Variants in IGF1 observed in about 807,000 individuals in gnomAD.
IGF1 encodes the protein insulin like growth factor 1.
A neutral mutation model predicts 13.8 loss-of-function variants in IGF1; 4 were observed. The observed-to-expected ratio is 0.29, with a 90% CI of 0.14 to 0.66. IGF1 has a LOEUF of 0.66. IGF1 is among the 30% of genes least tolerant of loss of function. The pLI is 0.78. For missense variants in IGF1, 124 were observed against 188.5 expected (o/e 0.66, Z 2.00); for synonymous variants, 76 against 72.6 (o/e 1.05, Z -0.23).
At chr12:102,470,891 G>A (rs1342229148) in intron 2 of IGF1, among the ~76,000 whole-genome samples, 1 of 152,176 alleles carries the variant, frequency 6.6e-6, no homozygotes, top group Non-Finnish European at 1.5e-5. Context: ...TTAATAAAGG[G>A]CATCTAAAAA....
chr12:102,471,797 A>C (rs753032912), intron 2 of IGF1, among the ~76,000 whole-genome samples: 1 of 152,172 alleles, frequency 6.6e-6, no homozygotes, highest in Non-Finnish European at 1.5e-5. Flanking sequence ...TCTTTCTTTC[A>C]GTTGCTCTTA....
At chr12:102,454,651 T>C (rs1236262389) in intron 2 of IGF1, among the ~76,000 whole-genome samples, 7 of 152,226 alleles carry the variant, frequency 4.6e-5, no homozygotes. Flanking sequence ...CCTTATTTCC[T>C]CAATTTTGAA....
At chr12:102,424,115 C>T (rs915655497) in intron 2 of IGF1, among the ~76,000 whole-genome samples, 39 of 152,138 alleles carry the variant, frequency 2.6e-4, no homozygotes, top group Admixed American at 1.9e-3. Context: ...AATAAAAAAA[C>T]GCAAACGTTT....
intron 2 of IGF1, among the ~76,000 whole-genome samples, chr12:102,458,730 C>CGAAAAAAAAA (rs1879639140): frequency 1.4e-5 from 1 of 73,428 alleles, no homozygotes; most frequent in East Asian, 5.1e-4. Flanking sequence ...GAACACTGAC[C>CGAAAAAAAAA]AAAAAAAAAA....
intron 3 of IGF1, among the ~76,000 whole-genome samples, chr12:102,414,061 C>T (rs1234538408): frequency 2.0e-5 from 3 of 152,156 alleles, no homozygotes; most frequent in Non-Finnish European, 4.4e-5. Flanking sequence ...CACATAGCTC[C>T]AATTTTCAGA....
chr12:102,423,684 T>C (rs966026846), intron 2 of IGF1, among the ~76,000 whole-genome samples: 3 of 152,298 alleles, frequency 2.0e-5, no homozygotes, highest in East Asian at 3.9e-4. Flanking sequence ...TAATGCATGG[T>C]CGGGGAGTAA....
In IGF1 at chr12:102,475,079, T is replaced by C. The variant is rs552758248; in HGVS notation, c.220+564A>G. Among the ~76,000 whole-genome samples the C allele has an allele frequency of 5.9e-5, 9 of 152,304 alleles. No individual in the cohort carries two copies. The East Asian group carries it at 1.7e-3, about 29-fold the overall frequency. ...AATCAGTATGGCATTTCAGTTTGCA[T>C]TTAGAGACAGTCTGTGTATTTGCAA... On this transcript the variant is annotated intron_variant, in intron 2 of 3. Coordinates refer to ENST00000337514, the MANE Select transcript of IGF1 (RefSeq NM_000618.5).
intron 2 of IGF1, among the ~76,000 whole-genome samples, chr12:102,465,435 T>C (rs1196002622): frequency 6.6e-6 from 1 of 152,220 alleles, no homozygotes; most frequent in Non-Finnish European, 1.5e-5. Flanking sequence ...GTCATAGAAC[T>C]GTTCAGTAGG....
intron 2 of IGF1, chr12:102,463,398 A>G (rs927799761): frequency 1.3e-5 from 2 of 152,228 alleles, no homozygotes; most frequent in African/African-American, 4.8e-5. Flanking sequence ...AAGACAGACA[A>G]CACATCGATA....
chr12:102,420,295 A>C (rs1875590145), intron 2 of IGF1, among the ~76,000 whole-genome samples: 1 of 152,216 alleles, frequency 6.6e-6, no homozygotes, highest in Non-Finnish European at 1.5e-5. Context: ...GCAAAGCCCA[A>C]GTGCCTCATT....
chr12:102,466,201 A>G (rs11837195), intron 2 of IGF1, among the ~76,000 whole-genome samples: 2,974 of 152,280 alleles, frequency 0.02, 81 homozygotes, highest in African/African-American at 0.069. Context: ...CAAAACCACA[A>G]TGACTCTTCT....
At chr12:102,423,842 A>T (rs1875962577) in intron 2 of IGF1, among the ~76,000 whole-genome samples, 1 of 152,214 alleles carries the variant, frequency 6.6e-6, no homozygotes, top group Non-Finnish European at 1.5e-5. Context: ...GAAATGTGTA[A>T]TGCTGAGATT....
intron 3 of IGF1, among the ~76,000 whole-genome samples, chr12:102,419,236 AG>A (rs1237573781): frequency 6.6e-6 from 1 of 152,236 alleles, no homozygotes. Context: ...TGAGAAAGCC[AG>A]GACTTCACTT....
In IGF1 at chr12:102,446,355, G is replaced by GT. The variant is rs895862264; in HGVS notation, c.221-26666dup. Among the ~76,000 whole-genome samples, 568 of 150,892 alleles carry GT rather than the reference G, an allele frequency of 3.8e-3. 3 individuals carry two copies. The highest frequency in any genetic ancestry group is 0.014 in the Middle Eastern group (4 of 292). On this transcript the variant is annotated intron_variant, in intron 2 of 3. Transcript: ENST00000337514. The stretch of plus-strand genomic sequence containing the variant: ...CGGCTATGCATCCATCTGGTCCTGG[G>GT]TTTTTTTTTGGTTGGTAGGCTATTA...
intron 2 of IGF1, among the ~76,000 whole-genome samples, chr12:102,468,387 G>T (rs1880468651): frequency 6.6e-6 from 1 of 152,216 alleles, no homozygotes; most frequent in Non-Finnish European, 1.5e-5. Context: ...AGTAAGTGAA[G>T]GGTTTTTCTT....
Position 102,420,571 on chromosome 12 carries a change from A to G in IGF1, c.221-881T>C, listed in dbSNP as rs187956055. On this transcript the variant is annotated intron_variant, in intron 2 of 3. Transcript: ENST00000337514. ...AGCATTGTCACTATTGACCGTGTACAGAAGTCTTGGGACTTGAAACTAATT... is the reference window on the plus strand; with the variant it reads ...AGCATTGTCACTATTGACCGTGTACGGAAGTCTTGGGACTTGAAACTAATT... Among the ~76,000 whole-genome samples, 136 of 152,304 alleles carry G rather than the reference A, an allele frequency of 8.9e-4. 1 individual carries two copies. The highest frequency in any genetic ancestry group is 2.9e-3 in the African/African-American group (122 of 41,570).
chr12:102,441,913 C>CTTCT lies in IGF1; in HGVS notation c.221-22224_221-22223insAGAA, dbSNP rs369547069. Among the ~76,000 whole-genome samples, 43 of 122,040 alleles carry CTTCT rather than the reference C, an allele frequency of 3.5e-4. 1 individual carries two copies. Among genetic ancestry groups the CTTCT allele is most frequent in the Non-Finnish European group, 6.4e-4 (37 of 58,130 alleles). The allele number at this position is 122,040 out of a possible 152,430, so 80.1% of individuals were successfully genotyped here. A position where few individuals can be genotyped will look rare whatever the true frequency, so the allele number is the denominator to read the frequency against. On this transcript the variant is annotated intron_variant, in intron 2 of 3. Coordinates refer to ENST00000337514, the MANE Select transcript of IGF1 (RefSeq NM_000618.5). ...AAGTCATTCTATTACACTGCTTCTT[C>CTTCT]TCCTTCTTCTTCTTCTTCTTCTTCT...
At chr12:102,458,566 C>A (rs1235091555) in intron 2 of IGF1, among the ~76,000 whole-genome samples, 2 of 152,074 alleles carry the variant, frequency 1.3e-5, no homozygotes, top group Non-Finnish European at 2.9e-5. Flanking sequence ...GCACACATAA[C>A]TAATCTAGGC....
intron 2 of IGF1, among the ~76,000 whole-genome samples, chr12:102,456,221 GGT>G (rs59075811): frequency 0.21 from 29,982 of 139,854 alleles, 3,055 homozygotes; most frequent in East Asian, 0.3. Context: ...ATTTAAAAAA[GGT>G]GTGTGTGTGT....
Sources: gnomAD v4.1 joint callset for allele counts (sites outside exome capture counted in the v4.1 genomes callset) on GRCh38, gnomAD v4.1.1 for gene constraint, MANE v1.5 for transcripts, NCBI Gene and HGNC (gene_info 2026-07-23, HGNC 2026-07-21) for gene names.